ZNF391: variants seen among roughly 807,000 people sequenced by gnomAD.
ZNF391 encodes the protein zinc finger protein 391.
For synonymous variants in ZNF391, 126 were observed against 142.1 expected, an observed-to-expected ratio of 0.89 and a Z score of 0.80; for missense variants, 375 against 425.5, an observed-to-expected ratio of 0.88 and a Z score of 1.04.
intron 1 of ZNF391, among the ~76,000 whole-genome samples, chr6:27,397,684 C>G (rs1761858075): frequency 6.6e-6 from 1 of 152,148 alleles, no homozygotes; most frequent in Non-Finnish European, 1.5e-5. Flanking sequence ...GGCTGGAGTG[C>G]AGCGGTGCGA....
intron 1 of ZNF391, among the ~76,000 whole-genome samples, chr6:27,397,363 A>G (rs1761849897): frequency 6.6e-6 from 1 of 152,206 alleles, no homozygotes; most frequent in African/African-American, 2.4e-5. Context: ...GGATGCTGCT[A>G]AACCAATCAG....
intron 1 of ZNF391, among the ~76,000 whole-genome samples, chr6:27,377,349 T>C (rs1172899284): frequency 6.6e-6 from 1 of 152,176 alleles, no homozygotes; most frequent in Non-Finnish European, 1.5e-5. Context: ...CATTAACCAT[T>C]TAGTGCTGTG....
intron 1 of ZNF391, among the ~76,000 whole-genome samples, chr6:27,389,685 TC>T (rs1761660986): frequency 6.6e-6 from 1 of 152,066 alleles, no homozygotes; most frequent in Non-Finnish European, 1.5e-5. Context: ...GCGCCTGTAA[TC>T]CCTGCTACTC....
chr6:27,400,309 T>C lies in ZNF391; in HGVS notation c.-62T>C. ...GTCTTTCAGATAGGGGGATTTGAGCTGAACCAAAGCATCAACACCAATCAG... is the reference window on the plus strand; with the variant it reads ...GTCTTTCAGATAGGGGGATTTGAGCCGAACCAAAGCATCAACACCAATCAG... On this transcript the variant is annotated 5_prime_UTR_variant, in exon 3 of 3. Transcript: ENST00000244576. 1 of 1,358,600 alleles carries C rather than the reference T, an allele frequency of 7.4e-7. No homozygotes were observed. The highest frequency in any genetic ancestry group is 2.2e-5 in the Admixed American group (1 of 44,572). The allele number at this position is 1,358,600 out of a possible 1,614,324, so 84.2% of individuals were successfully genotyped here. A position where few individuals can be genotyped will look rare whatever the true frequency, so the allele number is the denominator to read the frequency against.
At chr6:27,381,212 G>T (rs571171667) in intron 1 of ZNF391, among the ~76,000 whole-genome samples, 5 of 152,250 alleles carry the variant, frequency 3.3e-5, no homozygotes, top group Admixed American at 6.5e-5. Context: ...GGCCTGCGCC[G>T]CGGGAAGGCA....
At chr6:27,389,677 G>C (rs6925606) in intron 1 of ZNF391, among the ~76,000 whole-genome samples, 95,718 of 151,958 alleles carry the variant, frequency 0.63, 30,314 homozygotes, top group Middle Eastern at 0.76. Flanking sequence ...GGTGGCGCGC[G>C]CCTGTAATCC....
chr6:27,388,403 T>C (rs1761617730), upstream of ZNF391, among the ~76,000 whole-genome samples: 1 of 152,024 alleles, frequency 6.6e-6, no homozygotes, highest in Non-Finnish European at 1.5e-5. Flanking sequence ...TGCATCAGAA[T>C]CATCTGGGGT....
intron 1 of ZNF391, among the ~76,000 whole-genome samples, chr6:27,392,299 A>G (rs1761730459): frequency 6.6e-6 from 1 of 152,140 alleles, no homozygotes; most frequent in Non-Finnish European, 1.5e-5. Flanking sequence ...TCTGTCGCCC[A>G]GGCCAGAGTG....
intron 1 of ZNF391, among the ~76,000 whole-genome samples, chr6:27,380,220 C>G (rs999869789): frequency 6.6e-6 from 1 of 152,218 alleles, no homozygotes; most frequent in Admixed American, 6.5e-5. Flanking sequence ...ACTTCAAGAA[C>G]GAAGCCGCGG....
At position 27,401,053 on chromosome 6, in the gene ZNF391, A is replaced by G; in HGVS notation, c.683A>G (p.Lys228Arg). 6.2e-7 allele frequency: 1 copy of G among 1,614,226 alleles called. No individual in the cohort carries two copies. Among genetic ancestry groups the G allele is most frequent in the Non-Finnish European group, 8.5e-7 (1 of 1,180,032 alleles). The change falls in exon 3 of 3, where the codon AAA becomes AGA. Residue 228 changes from lysine (K) to arginine (R), a missense_variant. By Grantham distance (26) the Lys-to-Arg change is conservative. Coordinates refer to ENST00000244576, the MANE Select transcript of ZNF391 (RefSeq NM_001076781.3). The stretch of plus-strand genomic sequence containing the variant: ...CCTTACAAATGTAATGAATGTGGGA[A>G]AGCCTTCGGTGACCGTTCAACCATA... ...ERPYKCNECGKAFGDRSTIIQ... is the reference protein window; with the variant it reads ...ERPYKCNECGRAFGDRSTIIQ...
In ZNF391 at chr6:27,400,809, A is replaced by T. The variant is rs1376052074; in HGVS notation, c.439A>T (p.Ser147Cys). The change falls in exon 3 of 3, where the codon AGC becomes TGC. Residue 147 changes from serine to cysteine, a missense_variant. Ser to Cys is a moderately radical substitution (Grantham distance 112). Coordinates refer to ENST00000244576, the MANE Select transcript of ZNF391 (RefSeq NM_001076781.3). ...FECNKCGKSFSRSTHLIEHQR... is the reference protein window; with the variant it reads ...FECNKCGKSFCRSTHLIEHQR... ...ATGCAACAAATGTGGGAAATCTTTC[A>T]GCCGAAGTACACACCTTATTGAACA... 1 of 1,614,238 alleles carries T rather than the reference A, an allele frequency of 6.2e-7. No individual in the cohort carries two copies.
At position 27,403,228 on chromosome 6, in the gene ZNF391, C is replaced by T. The variant is rs1762015787; in HGVS notation, c.*1781C>T. 1 of 152,152 alleles carries T rather than the reference C, an allele frequency of 6.6e-6. No individual in the cohort carries two copies. The highest frequency in any genetic ancestry group is 1.5e-5 in the Non-Finnish European group (1 of 68,036). The allele number at this position is 152,152 out of a possible 1,614,324, so 9.4% of individuals were successfully genotyped here. On this transcript the variant is annotated 3_prime_UTR_variant, in exon 3 of 3. Coordinates refer to ENST00000244576, the MANE Select transcript of ZNF391 (RefSeq NM_001076781.3). ...TAAAGGTCTTTCATAGTTTGATCTA[C>T]TTACTTACTTCCTTTCTCTTCTCAA...
At chr6:27,384,065 G>C (rs945293221), upstream of ZNF391, among the ~76,000 whole-genome samples, 1 of 152,146 alleles carries the variant, frequency 6.6e-6, no homozygotes, top group Non-Finnish European at 1.5e-5. Context: ...AGAAACAAAA[G>C]TTTAAGGAAT....
chr6:27,394,713 T>TG (rs1761787557), intron 1 of ZNF391, among the ~76,000 whole-genome samples: 2 of 152,186 alleles, frequency 1.3e-5, no homozygotes, highest in African/African-American at 4.8e-5. Flanking sequence ...ACTCTGTGCT[T>TG]GGAAAAGCCA....
Position 27,400,383 on chromosome 6 carries a change from A to G in ZNF391, c.13A>G (p.Arg5Gly). Reference sequence around the variant, plus strand: ...TTCTGGGTCAGCAATGGAAAGCCTCAGAGGGAATACTGCTCAGGGTCCTAC... The same window carrying G: ...TTCTGGGTCAGCAATGGAAAGCCTCGGAGGGAATACTGCTCAGGGTCCTAC... MESL[R>G]GNTAQGPTNE... The change falls in exon 3 of 3, where the codon AGA (arginine) becomes GGA (glycine). Residue 5 changes from arginine to glycine, a missense_variant. Coordinates refer to ENST00000244576, the MANE Select transcript of ZNF391 (RefSeq NM_001076781.3). 1 of 1,601,254 alleles carries G rather than the reference A, an allele frequency of 6.2e-7. No individual in the cohort carries two copies. The highest frequency in any genetic ancestry group is 8.5e-7 in the Non-Finnish European group (1 of 1,175,080).
rs1762003622 is a variant in ZNF391, at chr6:27,402,767, T to A, written c.*1320T>A. 2 of 152,098 alleles carry A rather than the reference T, an allele frequency of 1.3e-5. No individual in the cohort carries two copies. Among genetic ancestry groups the A allele is most frequent in the South Asian group, 2.1e-4 (1 of 4,822 alleles). 9.4% of individuals were successfully genotyped at this position (152,098 alleles called of 1,614,324 possible). ...ACCACCACACCCACAATTTTAAAGT[T>A]TTTTTGTGGAGACAGGATCTCACTA... is the stretch of plus-strand genomic sequence containing the variant. On this transcript the variant is annotated 3_prime_UTR_variant, in exon 3 of 3. Transcript: ENST00000244576.
chr6:27,389,834 T>TTAAGTTACAGAGTCTAG (rs70981160), intron 1 of ZNF391, among the ~76,000 whole-genome samples: 1 of 151,722 alleles, frequency 6.6e-6, no homozygotes, highest in Admixed American at 6.6e-5. Context: ...AAGTACTTGC[T>TTAAGTTACAGAGTCTAG]TGAGTGCCAG....
chr6:27,399,383 T>G (rs1761900482), intron 1 of ZNF391, 59 bp from the exon 2 acceptor site: 1 of 152,258 alleles, frequency 6.6e-6, no homozygotes, highest in Admixed American at 6.5e-5. Context: ...GATTGAGCTC[T>G]GAATAGCTCT....
chr6:27,385,216 C>CA (rs527647748), upstream of ZNF391, among the ~76,000 whole-genome samples: 1 of 75,394 alleles, frequency 1.3e-5, no homozygotes, highest in Non-Finnish European at 3.3e-5. Flanking sequence ...TCAATTAAAA[C>CA]AAAAAAAGTC....
Sources: gnomAD v4.1 joint callset for allele counts (sites outside exome capture counted in the v4.1 genomes callset) on GRCh38, gnomAD v4.1.1 for gene constraint, MANE v1.5 for transcripts, NCBI Gene and HGNC (gene_info 2026-07-23, HGNC 2026-07-21) for gene names.